The following RBFOX1 variants were observed in gnomAD, a reference collection of about 807,000 sequenced individuals.
The protein encoded by RBFOX1 is RNA binding fox-1 homolog 1, also known as RNA binding protein fox-1 homolog 1.
Under a neutral mutation model 57.7 loss-of-function variants are expected in RBFOX1, and 8 were observed. The observed-to-expected ratio is 0.14, with a 90% CI of 0.08 to 0.25. The LOEUF (loss-of-function observed/expected upper bound fraction) is 0.25. RBFOX1 is among the 10% of genes least tolerant of loss of function. RBFOX1 has a pLI of 1.00. For synonymous variants in RBFOX1, 326 were observed against 222.4 expected (o/e 1.47, Z -4.15); for missense variants, 611 against 548.5 (o/e 1.11, Z -1.14).
intron 4 of RBFOX1, chr16:7,304,365 C>G (rs929416558): frequency 8.1e-6 from 8 of 985,246 alleles, no homozygotes; most frequent in African/African-American, 1.7e-5. Context: ...CACTCGGGCT[C>G]GGCGGGCGCC....
chr16:6,487,685 AAAAAAAAAAAAAAAAATAT>A (rs2095520454), intron 2 of RBFOX1, among the ~76,000 whole-genome samples: 1 of 46,096 alleles, frequency 2.2e-5, no homozygotes, highest in Admixed American at 2.6e-4. Context: ...AAAAAAAAAA[AAAAAAAAAAAAAAAAATAT>A]ATATATATAT....
intron 4 of RBFOX1, among the ~76,000 whole-genome samples, chr16:7,221,577 G>C (rs2092735505): frequency 6.6e-6 from 1 of 152,136 alleles, no homozygotes; most frequent in Non-Finnish European, 1.5e-5. Context: ...ATGTTGGCCA[G>C]GGTAGTCTTG....
Position 6,238,739 on chromosome 16 carries a change from G to A in RBFOX1, c.-126-78256G>A, listed in dbSNP as rs144333711. ...TGTCTTGCTCTTGTTACATTTTTCTGACTGACTATTTTTTTAAAATGTTTT... is the reference window on the plus strand; with the variant it reads ...TGTCTTGCTCTTGTTACATTTTTCTAACTGACTATTTTTTTAAAATGTTTT... On this transcript the variant is annotated intron_variant, in intron 1 of 15. Coordinates refer to ENST00000550418, the MANE Select transcript of RBFOX1 (RefSeq NM_018723.4). Among the ~76,000 whole-genome samples the A allele has an allele frequency of 2.6e-4, 39 of 151,928 alleles. No individual in the cohort carries two copies. In the East Asian group the frequency reaches 6.8e-3, roughly 26 times the overall value.
chr16:6,422,271 A>C (rs78537272), intron 2 of RBFOX1, among the ~76,000 whole-genome samples: 2,253 of 149,716 alleles, frequency 0.015, 55 homozygotes, highest in African/African-American at 0.051. Context: ...ATTCAGGGGT[A>C]CATGTAGGTG....
At chr16:7,183,020 A>T (rs1190347354) in intron 4 of RBFOX1, among the ~76,000 whole-genome samples, 1 of 152,234 alleles carries the variant, frequency 6.6e-6, no homozygotes. Flanking sequence ...AATGCCTGAC[A>T]CATAATGGGC....
At chr16:7,145,183 C>G (rs58579173) in intron 4 of RBFOX1, among the ~76,000 whole-genome samples, 1 of 151,942 alleles carries the variant, frequency 6.6e-6, no homozygotes, top group African/African-American at 2.4e-5. Flanking sequence ...ACCCCCTACC[C>G]TTTTTTGTTT....
At position 7,567,242 on chromosome 16, in the gene RBFOX1, C is replaced by CATAT. The variant is rs1200724827; in HGVS notation, c.271-12532_271-12529dup. Among the ~76,000 whole-genome samples, 646 of 70,608 alleles carry CATAT rather than the reference C, an allele frequency of 9.1e-3. 2 individuals carry two copies. The highest frequency in any genetic ancestry group is 0.015 in the African/African-American group (299 of 19,334). The allele number at this position is 70,608 out of a possible 152,430, so 46.3% of individuals were successfully genotyped here. A position where few individuals can be genotyped will look rare whatever the true frequency, so the allele number is the denominator to read the frequency against. On this transcript the variant is annotated intron_variant, in intron 5 of 15. Transcript: ENST00000550418. ...ATATATATATCCCTATATATATATC[C>CATAT]ATATATCCCTATATATATATATCCC...
chr16:6,809,890 G>A (rs1275368693), intron 3 of RBFOX1, among the ~76,000 whole-genome samples: 2 of 152,118 alleles, frequency 1.3e-5, no homozygotes, highest in Non-Finnish European at 2.9e-5. Flanking sequence ...TGAAATTGGA[G>A]AGAGTTGCTT....
At chr16:6,394,788 C>A (rs191397618) in intron 2 of RBFOX1, among the ~76,000 whole-genome samples, 1 of 152,206 alleles carries the variant, frequency 6.6e-6, no homozygotes, top group East Asian at 1.9e-4. Context: ...CAGCCACGAT[C>A]CCCAAGGAGC....
At chr16:6,686,041 A>G (rs1230553231) in intron 3 of RBFOX1, among the ~76,000 whole-genome samples, 3 of 152,200 alleles carry the variant, frequency 2.0e-5, no homozygotes, top group Non-Finnish European at 4.4e-5. Flanking sequence ...GTTATTTGAA[A>G]ATGTCCCATA....
At chr16:6,110,410 G>T (rs2096432537) in intron 1 of RBFOX1, among the ~76,000 whole-genome samples, 1 of 152,120 alleles carries the variant, frequency 6.6e-6, no homozygotes, top group Non-Finnish European at 1.5e-5. Context: ...CTTTTCAGAA[G>T]ATGATCCTAT....
chr16:6,724,928 C>G (rs1238897430), intron 3 of RBFOX1, among the ~76,000 whole-genome samples: 3 of 151,812 alleles, frequency 2.0e-5, no homozygotes, highest in African/African-American at 7.3e-5. Context: ...CATTTGTAAA[C>G]TGTCATGGCA....
chr16:6,673,858 C>G (rs530376982), intron 3 of RBFOX1, among the ~76,000 whole-genome samples: 1 of 152,224 alleles, frequency 6.6e-6, no homozygotes, highest in East Asian at 1.9e-4. Flanking sequence ...AAAGTAGTTA[C>G]AGATATTAAG....
chr16:7,508,611 G>A (rs1379876422), intron 4 of RBFOX1, among the ~76,000 whole-genome samples: 2 of 152,114 alleles, frequency 1.3e-5, no homozygotes, highest in East Asian at 1.9e-4. Flanking sequence ...AGGTATGATT[G>A]GAAATGGAAA....
chr16:7,599,699 G>T (rs150659765), intron 9 of RBFOX1, among the ~76,000 whole-genome samples: 109 of 147,202 alleles, frequency 7.4e-4, no homozygotes, highest in African/African-American at 2.7e-3. Flanking sequence ...AGGCTGGAGG[G>T]CAGTGGCATG....
chr16:6,062,146 C>A (rs1197433056), intron 1 of RBFOX1, among the ~76,000 whole-genome samples: 1 of 152,134 alleles, frequency 6.6e-6, no homozygotes, highest in Non-Finnish European at 1.5e-5. Flanking sequence ...GCAGAGCTTC[C>A]TTGCCGTCTC....
chr16:7,135,420 T>G (rs919316167), intron 4 of RBFOX1, among the ~76,000 whole-genome samples: 3 of 152,232 alleles, frequency 2.0e-5, no homozygotes, highest in African/African-American at 7.2e-5. Flanking sequence ...ATTTATGACT[T>G]TGCATCTTCG....
At chr16:7,638,428 CAGAGGCTGGAAA>C (rs2062148526) in intron 11 of RBFOX1, among the ~76,000 whole-genome samples, 1 of 152,138 alleles carries the variant, frequency 6.6e-6, no homozygotes, top group Non-Finnish European at 1.5e-5. Flanking sequence ...CAACTTACCC[CAGAGGCTGGAAA>C]CAGGATGGAC....
chr16:5,416,117 G>C (rs768225450), intron 1 of RBFOX1, among the ~76,000 whole-genome samples: 5 of 152,222 alleles, frequency 3.3e-5, no homozygotes, highest in Non-Finnish European at 7.3e-5. Context: ...GTTTATGAGA[G>C]TTGACATGAA....
Sources: allele counts gnomAD v4.1 joint callset (sites outside exome capture counted in the v4.1 genomes callset), GRCh38; gene constraint gnomAD v4.1.1; transcripts MANE v1.5; gene names NCBI Gene and HGNC (gene_info 2026-07-23, HGNC 2026-07-21).